CDC42BPA: variants seen among roughly 807,000 people sequenced by gnomAD.
CDC42BPA encodes the protein CDC42 binding protein kinase alpha, also known as serine/threonine-protein kinase MRCK alpha.
Under a neutral mutation model 223.5 loss-of-function variants are expected in CDC42BPA, and 80 were observed. The observed-to-expected ratio is 0.36, with a 90% CI of 0.30 to 0.43. CDC42BPA has a LOEUF of 0.43. Ranked by LOEUF, CDC42BPA falls within the 20% of genes least tolerant of loss-of-function variation. The pLI, the probability that CDC42BPA is intolerant of heterozygous loss-of-function variation, is 1.00. For synonymous variants in CDC42BPA, 694 were observed against 718.6 expected (o/e 0.97, Z 0.55); for missense variants, 1,743 against 2,099.9 (o/e 0.83, Z 3.32).
At position 227,103,340 on chromosome 1, in the gene CDC42BPA, T is replaced by A. The variant is rs1371215315; in HGVS notation, c.2002-2101A>T. ...CAGATATTAAAATAAGCAATAAACA[T>A]AACAAAAATTTCATTGTTAATTGAA... On this transcript the variant is annotated intron_variant, in intron 14 of 36. Transcript: ENST00000366766. Among the ~76,000 whole-genome samples the A allele has an allele frequency of 2.6e-5, 4 of 151,968 alleles. 1 individual carries two copies. In the South Asian group the frequency reaches 6.2e-4, roughly 24 times the overall value.
At chr1:227,276,109 G>C (rs995247536) in intron 1 of CDC42BPA, among the ~76,000 whole-genome samples, 3 of 151,342 alleles carry the variant, frequency 2.0e-5, no homozygotes, top group African/African-American at 7.3e-5. Flanking sequence ...CCCAGTCTGG[G>C]AAGTGAGGAG....
rs149632745 is a variant in CDC42BPA at position 227,039,172 on chromosome 1, T to G, written c.3199+959A>C. ...TTGTTTCTGAATTTCAAAAAGTCTTTAAGGGCACCCATCTTTCTTCAGTTA... is the reference window on the plus strand; with the variant it reads ...TTGTTTCTGAATTTCAAAAAGTCTTGAAGGGCACCCATCTTTCTTCAGTTA... On this transcript the variant is annotated intron_variant, in intron 24 of 36. Transcript: ENST00000366766. Among the ~76,000 whole-genome samples, 1,111 of 152,258 alleles carry G rather than the reference T, an allele frequency of 7.3e-3. 11 individuals carry two copies. The highest frequency in any genetic ancestry group is 9.4e-3 in the Non-Finnish European group (642 of 68,020).
chr1:227,208,363 G>A (rs1217336548), intron 3 of CDC42BPA, among the ~76,000 whole-genome samples: 1 of 137,036 alleles, frequency 7.3e-6, no homozygotes, highest in East Asian at 2.2e-4. Flanking sequence ...AGTTTAATTA[G>A]ATCCCATTTG....
intron 3 of CDC42BPA, among the ~76,000 whole-genome samples, chr1:227,212,932 T>C (rs1674188913): frequency 6.6e-6 from 1 of 152,184 alleles, no homozygotes; most frequent in Admixed American, 6.5e-5. Flanking sequence ...CCATTTAGTA[T>C]TCCACTAATA....
intron 3 of CDC42BPA, among the ~76,000 whole-genome samples, chr1:227,200,247 AT>A (rs1236385207): frequency 3.3e-5 from 5 of 152,302 alleles, no homozygotes; most frequent in East Asian, 3.9e-4. Context: ...CCTGGGCAAC[AT>A]GGTGAAAACC....
intron 21 of CDC42BPA, chr1:227,069,356 T>C (rs556826746): frequency 6.5e-6 from 1 of 153,914 alleles, no homozygotes; most frequent in Non-Finnish European, 1.4e-5. Flanking sequence ...CTTCTTACTG[T>C]ATAGTTTTTA....
intron 7 of CDC42BPA, 88 bp from the exon 8 acceptor site, chr1:227,145,825 T>A: frequency 9.5e-7 from 1 of 1,048,754 alleles, no homozygotes; most frequent in Non-Finnish European, 1.3e-6. Context: ...TAAAAATACA[T>A]TTTATTTTAA....
intron 1 of CDC42BPA, among the ~76,000 whole-genome samples, chr1:227,267,013 G>A (rs1425130844): frequency 2.0e-5 from 3 of 152,132 alleles, no homozygotes; most frequent in African/African-American, 7.2e-5. Flanking sequence ...TTGGTTTAAA[G>A]TTGTTGGGGA....
chr1:227,013,395 CT>C (rs542850219), intron 34 of CDC42BPA, among the ~76,000 whole-genome samples: 1 of 149,736 alleles, frequency 6.7e-6, no homozygotes, highest in African/African-American at 2.4e-5. Flanking sequence ...CTTTTTATCT[CT>C]TTTTTTTTCT....
chr1:227,035,395 TAAAC>T (rs1428701948), intron 25 of CDC42BPA, 72 bp downstream of exon 25: 9 of 1,148,700 alleles, frequency 7.8e-6, no homozygotes, highest in South Asian at 4.4e-5. Context: ...ACTATCCTCT[TAAAC>T]TAACTGGATT....
At chr1:227,197,145 A>G (rs1016971153) in intron 4 of CDC42BPA, among the ~76,000 whole-genome samples, 6 of 152,180 alleles carry the variant, frequency 3.9e-5, no homozygotes, top group African/African-American at 7.2e-5. Flanking sequence ...ACCATATAGC[A>G]TTATAAATTA....
rs779934718 is a variant in CDC42BPA at position 226,994,439 on chromosome 1, G to A, written c.5134-40C>T. On this transcript the variant is annotated intron_variant, in intron 36 of 36. Coordinates refer to ENST00000366766, the MANE Select transcript of CDC42BPA (RefSeq NM_001394014.1). The surrounding 1 kb of genome is among the most constrained non-coding windows in gnomAD (Gnocchi z 4.0). ...GTAAAACATTAATGAGAAGGAGGGG[G>A]AGAAAGGGAGGCAGAAGGGGCTCAG... 193 of 1,458,546 alleles carry A rather than the reference G, an allele frequency of 1.3e-4. 2 individuals are homozygous for A. In the Middle Eastern group the frequency reaches 1.6e-3, roughly 12 times the overall value. 90.4% of individuals were successfully genotyped at this position (1,458,546 alleles called of 1,614,324 possible).
chr1:227,186,881 G>A (rs921745701), intron 5 of CDC42BPA, among the ~76,000 whole-genome samples: 8 of 152,254 alleles, frequency 5.3e-5, no homozygotes, highest in African/African-American at 1.2e-4. Flanking sequence ...TCGTCTTCTC[G>A]TTCCTGGAGT....
intron 2 of CDC42BPA, among the ~76,000 whole-genome samples, chr1:227,225,430 A>G (rs1053318858): frequency 2.0e-5 from 3 of 152,328 alleles, no homozygotes; most frequent in Middle Eastern, 3.4e-3. Flanking sequence ...TACATTTAAA[A>G]GCACTGTTCT....
chr1:227,127,900 A>G (rs1318266282), intron 11 of CDC42BPA, among the ~76,000 whole-genome samples: 2 of 152,094 alleles, frequency 1.3e-5, no homozygotes, highest in African/African-American at 4.8e-5. Flanking sequence ...TTTTGCCTAA[A>G]ACTACCTTTC....
chr1:227,271,160 AT>A (rs1033881582), intron 1 of CDC42BPA, among the ~76,000 whole-genome samples: 1 of 152,206 alleles, frequency 6.6e-6, no homozygotes, highest in African/African-American at 2.4e-5. Flanking sequence ...GGCTCAATAA[AT>A]GTTAATTATA....
chr1:227,026,677 G>A (rs917812377), intron 30 of CDC42BPA, among the ~76,000 whole-genome samples: 2 of 152,138 alleles, frequency 1.3e-5, no homozygotes, highest in Non-Finnish European at 2.9e-5. Context: ...CTTAAACTAA[G>A]GTTACAAAGG....
At chr1:227,100,777 T>TGCGC (rs1553337941) in intron 15 of CDC42BPA, among the ~76,000 whole-genome samples, 4 of 128,604 alleles carry the variant, frequency 3.1e-5, no homozygotes, top group African/African-American at 5.7e-5. Flanking sequence ...TGTGTGTGTG[T>TGCGC]GCGTGTGCCA....
At chr1:227,007,401 G>A (rs1224002983) in intron 34 of CDC42BPA, among the ~76,000 whole-genome samples, 1 of 151,964 alleles carries the variant, frequency 6.6e-6, no homozygotes, top group Non-Finnish European at 1.5e-5. Context: ...CTTTTTTTCT[G>A]ATTATAAAGG....
Sources: gnomAD v4.1 joint callset for allele counts (sites outside exome capture counted in the v4.1 genomes callset) on GRCh38, gnomAD v4.1.1 for gene constraint, Gnocchi (gnomAD v3.1) non-coding constraint, MANE v1.5 for transcripts, NCBI Gene and HGNC (gene_info 2026-07-23, HGNC 2026-07-21) for gene names.